Variants in TMEM234 observed in about 807,000 individuals in gnomAD.
TMEM234 encodes chromosome 1 open reading frame 91.
TMEM234 carries 21 observed loss-of-function variants against 17.8 expected under a neutral mutation model. The ratio of observed to expected loss-of-function variants is 1.18; its 90% CI spans 0.84 to 1.70. TMEM234 has a LOEUF of 1.70. Ranked by LOEUF, TMEM234 falls within the 40% of genes most tolerant of loss-of-function variation. The pLI, the probability that TMEM234 is intolerant of heterozygous loss-of-function variation, is 0.00. For missense variants in TMEM234, 137 were observed against 166.9 expected (o/e 0.82, Z 0.99); for synonymous variants, 83 against 73.5 (o/e 1.13, Z -0.66).
downstream of TMEM234, chr1:32,215,088 C>A: frequency 2.7e-6 from 3 of 1,103,438 alleles, no homozygotes; most frequent in Non-Finnish European, 3.8e-6. Context: ...TCTGAACCTA[C>A]TGTGGCTCAG....
At chr1:32,215,039 C>CA (rs1406621102), downstream of TMEM234, 56 of 1,346,698 alleles carry the variant, frequency 4.2e-5, no homozygotes, top group Non-Finnish European at 5.3e-5. Context: ...TGCTCAGACA[C>CA]AAAGCCGGCA....
intron 2 of TMEM234, 45 bp from the exon 3 acceptor site, chr1:32,221,242 G>C: frequency 6.9e-7 from 1 of 1,457,628 alleles, no homozygotes; most frequent in South Asian, 1.2e-5. Flanking sequence ...GCCTGACTGA[G>C]CAGCACTGCC....
chr1:32,216,592 G>C lies in TMEM234; in HGVS notation c.*261C>G. ...GGAGCCTGAGATGTTAGCAGGAAGA[G>C]AGCTGCTGGGGCAGAAAGGTTGCTG... On this transcript the variant is annotated 3_prime_UTR_variant, in exon 5 of 5. Transcript: ENST00000309777. 1 of 1,541,354 alleles carries C rather than the reference G, an allele frequency of 6.5e-7. No homozygotes were observed. Among genetic ancestry groups the C allele is most frequent in the Non-Finnish European group, 8.8e-7 (1 of 1,139,008 alleles).
chr1:32,222,030 C>G lies in TMEM234; in HGVS notation c.17-12G>C. 6.2e-7 allele frequency: 1 copy of G among 1,605,200 alleles called. No individual in the cohort carries two copies. Among genetic ancestry groups the G allele is most frequent in the East Asian group, 2.2e-5 (1 of 44,814 alleles). On this transcript the variant is annotated splice_polypyrimidine_tract_variant and intron_variant, in intron 1 of 4. Transcript: ENST00000309777. ...AGCCAACACCTGCCCTGAATGCAGA[C>G]GAGTGAGTCACCCTGACCCCCACCC...
chr1:32,215,351 G>A (rs1349241993), downstream of TMEM234: 2 of 1,112,974 alleles, frequency 1.8e-6, no homozygotes, highest in Non-Finnish European at 2.6e-6. Flanking sequence ...AGGTTCAGGG[G>A]AGGGAAAGGG....
downstream of TMEM234, chr1:32,214,643 G>C: frequency 9.4e-7 from 1 of 1,068,204 alleles, no homozygotes; most frequent in Non-Finnish European, 1.3e-6. Flanking sequence ...GTGGGAAGAG[G>C]CAGCAAGGAG....
intron 3 of TMEM234, among the ~76,000 whole-genome samples, chr1:32,219,633 A>G (rs1638713215): frequency 6.6e-6 from 1 of 152,092 alleles, no homozygotes; most frequent in Non-Finnish European, 1.5e-5. Flanking sequence ...TCAGCCTCCA[A>G]AAGTGCTGGA....
At chr1:32,217,135 A>G (rs759124652) in intron 4 of TMEM234, 124 bp downstream of exon 4, 2 of 1,586,004 alleles carry the variant, frequency 1.3e-6, no homozygotes, top group Non-Finnish European at 1.7e-6. Context: ...CTGCAGAGGA[A>G]AGGGCAGGAT....
chr1:32,217,049 C>A, intron 4 of TMEM234, 102 bp from the exon 5 acceptor site: 1 of 1,579,572 alleles, frequency 6.3e-7, no homozygotes, highest in Non-Finnish European at 8.6e-7. Flanking sequence ...GGTCTTCAAT[C>A]CCAAACCCCA....
chr1:32,216,762 G>C lies in TMEM234; in HGVS notation c.*91C>G. On this transcript the variant is annotated 3_prime_UTR_variant, in exon 5 of 5. Transcript: ENST00000309777. ...GAGAGGAGGAAGCTAAGGCCAGAGA[G>C]GGGAAGTGCTAGGTCCATCCGCTCA... 1 of 1,551,844 alleles carries C rather than the reference G, an allele frequency of 6.4e-7. No individual in the cohort carries two copies. The highest frequency in any genetic ancestry group is 1.2e-5 in the South Asian group (1 of 84,396).
chr1:32,214,931 AG>A, downstream of TMEM234: 2 of 1,613,824 alleles, frequency 1.2e-6, no homozygotes, highest in Non-Finnish European at 1.7e-6. Context: ...CATTCCCATC[AG>A]GTGAGGGGTC....
At chr1:32,214,585 C>T (rs1014819262), downstream of TMEM234, 8 of 598,820 alleles carry the variant, frequency 1.3e-5, no homozygotes, top group African/African-American at 1.1e-4. Context: ...CACTGGGCAT[C>T]GAGGAGTGCC....
downstream of TMEM234, chr1:32,214,932 G>A (rs1638256572): frequency 6.2e-7 from 1 of 1,613,936 alleles, no homozygotes; most frequent in East Asian, 2.2e-5. Context: ...ATTCCCATCA[G>A]GTGAGGGGTC....
At position 32,216,955 on chromosome 1, in the gene TMEM234, A is replaced by C. The variant is rs1408222234; in HGVS notation, c.329-8T>G. 6.2e-7 allele frequency: 1 copy of C among 1,614,086 alleles called. No individual in the cohort carries two copies. The highest frequency in any genetic ancestry group is 8.5e-7 in the Non-Finnish European group (1 of 1,180,034). ...CCATGCCAGCAACTGCTCCTGGGAT[A>C]ATAGGCAGAAATCAGGAGGGTCTGA... On this transcript the variant is annotated splice_region_variant and splice_polypyrimidine_tract_variant and intron_variant, in intron 4 of 4. Coordinates refer to ENST00000309777, the MANE Select transcript of TMEM234 (RefSeq NM_019118.5).
In TMEM234 at chr1:32,221,987, A is replaced by G; in HGVS notation, c.48T>C (p.Ala16=). The change falls in exon 2 of 5, where the codon GCT becomes GCC. Residue 16 remains alanine, a synonymous_variant. Coordinates refer to ENST00000309777, the MANE Select transcript of TMEM234 (RefSeq NM_019118.5). Reference sequence around the variant, plus strand: ...GCAGCGGCTGCGTGCCACCCCACAGAGCGGCCACCAGCACCAGAGCCAACA... The same window carrying G: ...GCAGCGGCTGCGTGCCACCCCACAGGGCGGCCACCAGCACCAGAGCCAACA... ...GQVLALVLVA[A]LWGGTQPLLK... The G allele has an allele frequency of 6.2e-7, 1 of 1,612,290 alleles. No individual in the cohort carries two copies. Among genetic ancestry groups the G allele is most frequent in the Non-Finnish European group, 8.5e-7 (1 of 1,179,730 alleles).
intron 3 of TMEM234, among the ~76,000 whole-genome samples, chr1:32,218,585 CTG>C: frequency 6.6e-6 from 1 of 151,996 alleles, no homozygotes. Context: ...GGCGGATCAC[CTG>C]AGGTTGGGAG....
downstream of TMEM234, chr1:32,215,482 C>CA (rs756519317): frequency 5.0e-6 from 8 of 1,613,600 alleles, 1 homozygote; most frequent in South Asian, 8.8e-5. Flanking sequence ...AGGAAGGAGA[C>CA]AGCGGGGGCC....
At chr1:32,216,128 C>T, downstream of TMEM234, 1 of 677,002 alleles carries the variant, frequency 1.5e-6, no homozygotes, top group Non-Finnish European at 2.5e-6. Flanking sequence ...GATTCTCTGG[C>T]CAGAGAAAGG....
Position 32,216,475 on chromosome 1 carries a change from G to C in TMEM234, c.*378C>G, listed in dbSNP as rs2124220967. ...TTGCATTTCTGGCTCAAAGTCTGCA[G>C]CTGGCCCTTTCCATGCAGCTGGAGT... is the stretch of plus-strand genomic sequence containing the variant. On this transcript the variant is annotated 3_prime_UTR_variant, in exon 5 of 5. Coordinates refer to ENST00000309777, the MANE Select transcript of TMEM234 (RefSeq NM_019118.5). The C allele has an allele frequency of 1.3e-6, 2 of 1,551,744 alleles. No individual in the cohort carries two copies. Among genetic ancestry groups the C allele is most frequent in the Non-Finnish European group, 1.7e-6 (2 of 1,147,010 alleles).
Sources: gnomAD v4.1 joint callset for allele counts (sites outside exome capture counted in the v4.1 genomes callset) on GRCh38, gnomAD v4.1.1 for gene constraint, MANE v1.5 for transcripts, NCBI Gene and HGNC (gene_info 2026-07-23, HGNC 2026-07-21) for gene names.